FAP: variants seen among roughly 807,000 people sequenced by gnomAD.
FAP encodes the protein prolyl endopeptidase FAP.
Under a neutral mutation model 126.5 loss-of-function variants are expected in FAP, and 110 were observed. That is an observed-to-expected ratio of 0.87 (90% CI 0.74 to 1.02). The LOEUF (loss-of-function observed/expected upper bound fraction) is 1.02, where lower values mean the gene tolerates loss of function less well. Ranked by LOEUF, FAP falls within the 50% of genes least tolerant of loss-of-function variation. The probability of loss-of-function intolerance (pLI) is 0.00; values close to 1 mark genes in which losing one functional copy is unlikely to be tolerated. For synonymous variants in FAP, 334 were observed against 297.3 expected (o/e 1.12, Z -1.27); for missense variants, 919 against 909.2 (o/e 1.01, Z -0.14).
chr2:162,187,481 GCA>G (rs1238034941), intron 20 of FAP, among the ~76,000 whole-genome samples: 1 of 151,970 alleles, frequency 6.6e-6, no homozygotes, highest in Non-Finnish European at 1.5e-5. Flanking sequence ...AGAATTATTT[GCA>G]CAGTGTTTCT....
At chr2:162,239,613 G>T (rs1220793442) in intron 2 of FAP, among the ~76,000 whole-genome samples, 1 of 152,128 alleles carries the variant, frequency 6.6e-6, no homozygotes, top group African/African-American at 2.4e-5. Context: ...GAATGGAATA[G>T]TTGCTATTGT....
Position 162,181,604 on chromosome 2 carries a change from C to T in FAP, c.1869+1810G>A, listed in dbSNP as rs531875374. 7.4e-4 allele frequency among the ~76,000 whole-genome samples: 113 copies of T among 152,278 alleles called. 1 individual carries two copies. The highest frequency in any genetic ancestry group is 2.6e-3 in the African/African-American group (107 of 41,560). On this transcript the variant is annotated intron_variant, in intron 21 of 25. Transcript: ENST00000188790. ...AAATGCTAACTTATTTTGGAATCCT[C>T]CCTTAGCTCCCACAGCCATAATTAT... is the stretch of plus-strand genomic sequence containing the variant.
intron 2 of FAP, among the ~76,000 whole-genome samples, chr2:162,241,032 A>T (rs1352999904): frequency 6.6e-6 from 1 of 152,210 alleles, no homozygotes; most frequent in Non-Finnish European, 1.5e-5. Context: ...GGTAATGACT[A>T]GTGCCATTCA....
intron 21 of FAP, among the ~76,000 whole-genome samples, chr2:162,176,841 C>A (rs1225209405): frequency 6.6e-6 from 1 of 152,082 alleles, no homozygotes. Flanking sequence ...TGCTAAAAAT[C>A]TTAGGAATTA....
chr2:162,180,646 TCAGGAA>T (rs1174042989), intron 21 of FAP, among the ~76,000 whole-genome samples: 2 of 152,170 alleles, frequency 1.3e-5, no homozygotes, highest in African/African-American at 4.8e-5. Flanking sequence ...AATGTTGAAG[TCAGGAA>T]CAGGAACAGG....
Position 162,170,790 on chromosome 2 carries a change from A to G in FAP, c.*189T>C, listed in dbSNP as rs1576125308. On this transcript the variant is annotated 3_prime_UTR_variant, in exon 26 of 26. Coordinates refer to ENST00000188790, the MANE Select transcript of FAP (RefSeq NM_004460.5). ...TCCCTTTTCTCTTCTTTCACAGAGT[A>G]CCAGAAAATGTAAACAATATTTAGC... is the stretch of plus-strand genomic sequence containing the variant. 1 of 538,834 alleles carries G rather than the reference A, an allele frequency of 1.9e-6. No homozygotes were observed. The highest frequency in any genetic ancestry group is 3.0e-5 in the East Asian group (1 of 33,450). The allele number at this position is 538,834 out of a possible 1,614,324, so 33.4% of individuals were successfully genotyped here. A position where few individuals can be genotyped will look rare whatever the true frequency, so the allele number is the denominator to read the frequency against.
rs1576136845 is a variant in FAP at position 162,180,938 on chromosome 2, G to C, written c.1869+2476C>G. 2.6e-5 allele frequency among the ~76,000 whole-genome samples: 4 copies of C among 152,156 alleles called. No individual in the cohort carries two copies. The Middle Eastern group carries it at 0.01, about 388-fold the overall frequency. ...TGCCGAAGGAAAGGAAGACTAATGA[G>C]GGTCAAGGCGAGATCCAGACCCAGA... On this transcript the variant is annotated intron_variant, in intron 21 of 25. Transcript: ENST00000188790.
intron 2 of FAP, among the ~76,000 whole-genome samples, chr2:162,235,269 C>A (rs1690078364): frequency 6.6e-6 from 1 of 152,158 alleles, no homozygotes; most frequent in African/African-American, 2.4e-5. Context: ...GTGCCCGGTC[C>A]CATGGATGGC....
intron 21 of FAP, among the ~76,000 whole-genome samples, chr2:162,179,808 A>ATTTT (rs1288686851): frequency 3.0e-5 from 4 of 133,968 alleles, no homozygotes; most frequent in African/African-American, 8.3e-5. Flanking sequence ...ATATATATAT[A>ATTTT]TATATTTTTT....
At chr2:162,174,760 G>T in intron 22 of FAP, 107 bp downstream of exon 22, 1 of 658,378 alleles carries the variant, frequency 1.5e-6, no homozygotes, top group Non-Finnish European at 2.7e-6. Context: ...TTTCCCCAGT[G>T]ATGCTGGGGT....
chr2:162,197,395 C>A (rs1385923422), intron 16 of FAP, among the ~76,000 whole-genome samples: 1 of 152,164 alleles, frequency 6.6e-6, no homozygotes, highest in Non-Finnish European at 1.5e-5. Context: ...ATCTATGTTG[C>A]ATAAATATAT....
At chr2:162,203,968 CTTT>C (rs147509322) in intron 12 of FAP, among the ~76,000 whole-genome samples, 2 of 152,122 alleles carry the variant, frequency 1.3e-5, no homozygotes, top group Non-Finnish European at 2.9e-5. Flanking sequence ...CATTTGCTGA[CTTT>C]TTTTCCCCAT....
chr2:162,220,045 C>G, intron 6 of FAP, 120 bp from the exon 7 acceptor site: 1 of 683,038 alleles, frequency 1.5e-6, no homozygotes, highest in South Asian at 1.8e-5. Flanking sequence ...CCCTCTGCAC[C>G]CACAAACCTA....
intron 6 of FAP, chr2:162,221,533 AAAT>A (rs1689398014): frequency 2.7e-6 from 1 of 366,904 alleles, no homozygotes; most frequent in Non-Finnish European, 5.4e-6. Context: ...TCAAAAAAAA[AAAT>A]AAGAAGACAT....
At chr2:162,227,727 G>A (rs1689713390) in intron 2 of FAP, among the ~76,000 whole-genome samples, 2 of 152,242 alleles carry the variant, frequency 1.3e-5, no homozygotes, top group East Asian at 3.9e-4. Context: ...CTGGTGTGGG[G>A]CAGTCTACCC....
At chr2:162,200,468 G>T (rs180992498) in intron 15 of FAP, 98 bp downstream of exon 15, 1 of 670,960 alleles carries the variant, frequency 1.5e-6, no homozygotes, top group Non-Finnish European at 2.6e-6. Context: ...TTTATTATGT[G>T]CCATACTTTA....
intron 20 of FAP, among the ~76,000 whole-genome samples, chr2:162,184,828 A>T (rs1687807592): frequency 6.6e-6 from 1 of 152,152 alleles, no homozygotes; most frequent in African/African-American, 2.4e-5. Flanking sequence ...CCATAAAATC[A>T]ATTGTGATTT....
At chr2:162,198,049 A>G in intron 16 of FAP, 1 of 685,274 alleles carries the variant, frequency 1.5e-6, no homozygotes, top group South Asian at 1.8e-5. Context: ...AGATATAGAT[A>G]AAAGGTTGCA....
rs116545873 is a variant in FAP, at chr2:162,195,539, G to A, written c.1403-791C>T. On this transcript the variant is annotated intron_variant, in intron 16 of 25. Transcript: ENST00000188790. ...CCGGGTTGGGGGGAGGTAGGGTTGG[G>A]GGGCGTGCTCAGCTGTAAGTTGTCA... is the stretch of plus-strand genomic sequence containing the variant. Among the ~76,000 whole-genome samples the A allele has an allele frequency of 2.4e-3, 367 of 151,912 alleles. 1 individual carries two copies. The highest frequency in any genetic ancestry group is 7.6e-3 in the African/African-American group (313 of 41,444).
Sources: gnomAD v4.1 joint callset for allele counts (sites outside exome capture counted in the v4.1 genomes callset) on GRCh38, gnomAD v4.1.1 for gene constraint, MANE v1.5 for transcripts, NCBI Gene and HGNC (gene_info 2026-07-23, HGNC 2026-07-21) for gene names.